The following OPCML variants were observed in gnomAD, a reference collection of about 807,000 sequenced individuals.
OPCML encodes the protein opioid binding protein/cell adhesion molecule like, also known as opioid-binding protein/cell adhesion molecule.
OPCML carries 13 observed loss-of-function variants against 37.8 expected under a neutral mutation model. The observed-to-expected ratio is 0.34, with a 90% confidence interval of 0.22 to 0.55. The LOEUF is 0.55. Among genes scored for constraint, OPCML ranks in the 20% least tolerant of loss-of-function variants. The probability of loss-of-function intolerance (pLI) is 0.91; values close to 1 mark genes in which losing one functional copy is unlikely to be tolerated. For missense variants in OPCML, 341 were observed against 435.6 expected (o/e 0.78, Z 1.93); for synonymous variants, 176 against 168.8 (o/e 1.04, Z -0.33).
rs1433047292 is a variant in OPCML, at chr11:132,537,457, C to T, written c.380-8271G>A. On this transcript the variant is annotated intron_variant, in intron 3 of 7. Transcript: ENST00000524381. ...ACTCAAAACATTAATAGATCAAAGA[C>T]CTAAATGTAAGGGCTAAAACTTAGA... is the stretch of plus-strand genomic sequence containing the variant. Among the ~76,000 whole-genome samples the T allele has an allele frequency of 3.9e-5, 6 of 152,090 alleles. No individual in the cohort carries two copies. In the East Asian group the frequency reaches 5.8e-4, roughly 15 times the overall value.
At chr11:132,708,988 C>T (rs1169967242) in intron 2 of OPCML, among the ~76,000 whole-genome samples, 4 of 152,096 alleles carry the variant, frequency 2.6e-5, no homozygotes, top group East Asian at 1.9e-4. Flanking sequence ...TCATGGGTCA[C>T]GGAGTTTCAC....
At chr11:132,754,097 G>T (rs532163974) in intron 2 of OPCML, among the ~76,000 whole-genome samples, 2 of 152,204 alleles carry the variant, frequency 1.3e-5, no homozygotes, top group Non-Finnish European at 2.9e-5. Context: ...AGCCAGCAGG[G>T]TGCAGCTGCA....
intron 2 of OPCML, among the ~76,000 whole-genome samples, chr11:132,856,471 T>C (rs1334545999): frequency 1.3e-5 from 2 of 152,142 alleles, no homozygotes; most frequent in Non-Finnish European, 2.9e-5. Context: ...CATGCAGTTG[T>C]TAAACTGTCT....
chr11:132,423,162 C>A (rs1019740674), intron 7 of OPCML, among the ~76,000 whole-genome samples: 3 of 152,218 alleles, frequency 2.0e-5, no homozygotes, highest in Non-Finnish European at 2.9e-5. Flanking sequence ...CCTGAGACAG[C>A]AAGAGGGCAC....
intron 2 of OPCML, among the ~76,000 whole-genome samples, chr11:132,796,821 G>T (rs1232756224): frequency 6.6e-6 from 1 of 151,976 alleles, no homozygotes; most frequent in Non-Finnish European, 1.5e-5. Context: ...CTCGTGATCT[G>T]CCGTGATAGT....
intron 1 of OPCML, among the ~76,000 whole-genome samples, chr11:133,126,070 T>TACAC (rs3049587): frequency 6.7e-6 from 1 of 148,350 alleles, no homozygotes; most frequent in African/African-American, 2.5e-5. Context: ...ATATGTACCA[T>TACAC]ACACACACAC....
chr11:133,007,457 G>A, intron 1 of OPCML: 1 of 985,390 alleles, frequency 1.0e-6, no homozygotes, highest in Non-Finnish European at 1.2e-6. Flanking sequence ...TGCACACAAA[G>A]CCCTGCTGAT....
chr11:132,949,087 C>T (rs1945805073), intron 1 of OPCML, among the ~76,000 whole-genome samples: 1 of 152,074 alleles, frequency 6.6e-6, no homozygotes, highest in African/African-American at 2.4e-5. Flanking sequence ...TGTAAAGAAC[C>T]CTAGGGATTT....
chr11:133,093,467 C>T (rs548280322), intron 1 of OPCML, among the ~76,000 whole-genome samples: 8 of 152,170 alleles, frequency 5.3e-5, no homozygotes, highest in East Asian at 1.9e-4. Flanking sequence ...CCTTGCTCCC[C>T]GTAACTATAA....
intron 3 of OPCML, among the ~76,000 whole-genome samples, chr11:132,601,772 TA>T (rs764273958): frequency 3.0e-4 from 45 of 152,304 alleles, no homozygotes; most frequent in Non-Finnish European, 4.6e-4. Flanking sequence ...TTTTCTATTT[TA>T]AAAGTTTCTT....
chr11:132,661,615 G>A (rs1360068392), intron 2 of OPCML, among the ~76,000 whole-genome samples: 2 of 152,144 alleles, frequency 1.3e-5, no homozygotes, highest in African/African-American at 4.8e-5. Context: ...GAGCCAAGAG[G>A]CAAGTTGAGG....
chr11:133,121,467 G>A (rs1284296163), intron 1 of OPCML, among the ~76,000 whole-genome samples: 1 of 152,160 alleles, frequency 6.6e-6, no homozygotes, highest in South Asian at 2.1e-4. Context: ...AGTCCCAGCT[G>A]GGAAAACTGG....
intron 4 of OPCML, among the ~76,000 whole-genome samples, chr11:132,445,291 T>C (rs1272956617): frequency 1.3e-5 from 2 of 152,140 alleles, no homozygotes; most frequent in Non-Finnish European, 2.9e-5. Flanking sequence ...CTCCCTTCCA[T>C]GCATGTGTGA....
At chr11:132,873,865 T>C (rs1942909946) in intron 2 of OPCML, among the ~76,000 whole-genome samples, 1 of 152,088 alleles carries the variant, frequency 6.6e-6, no homozygotes, top group Non-Finnish European at 1.5e-5. Flanking sequence ...GGAATTAAAA[T>C]GTAGTCAAAT....
Position 133,201,305 on chromosome 11 carries a change from C to CTTTT in OPCML, c.62-258299_62-258296dup, listed in dbSNP as rs71477789. Among the ~76,000 whole-genome samples, 731 of 147,800 alleles carry CTTTT rather than the reference C, an allele frequency of 4.9e-3. 8 individuals are homozygous for CTTTT. Among genetic ancestry groups the CTTTT allele is most frequent in the African/African-American group, 0.015 (598 of 40,156 alleles). The stretch of plus-strand genomic sequence containing the variant: ...AAAGTTGGAAAGAAAACAATGCATG[C>CTTTT]TTTTTTTTTTTTTACCATTGAATTG... On this transcript the variant is annotated intron_variant, in intron 1 of 7. Coordinates refer to ENST00000524381, the MANE Select transcript of OPCML (RefSeq NM_001012393.5).
In OPCML at chr11:133,485,964, A is replaced by G. The variant is rs191434730; in HGVS notation, c.61+46300T>C. Among the ~76,000 whole-genome samples, 346 of 152,266 alleles carry G rather than the reference A, an allele frequency of 2.3e-3. 1 individual carries two copies. Among genetic ancestry groups the G allele is most frequent in the Middle Eastern group, 6.8e-3 (2 of 294 alleles). ...AAATGGCCCACAGGCATAGGGCTAAATTGCTGTATAGTATTCATAAGTGCA... is the reference window on the plus strand; with the variant it reads ...AAATGGCCCACAGGCATAGGGCTAAGTTGCTGTATAGTATTCATAAGTGCA... On this transcript the variant is annotated intron_variant, in intron 1 of 7. Coordinates refer to ENST00000524381, the MANE Select transcript of OPCML (RefSeq NM_001012393.5).
intron 3 of OPCML, among the ~76,000 whole-genome samples, chr11:132,612,506 C>T (rs952722433): frequency 6.6e-6 from 1 of 152,134 alleles, no homozygotes; most frequent in African/African-American, 2.4e-5. Flanking sequence ...CTGATTCAGT[C>T]ATACTCCATT....
chr11:133,527,845 T>G (rs1469518038), intron 1 of OPCML, among the ~76,000 whole-genome samples: 3 of 152,158 alleles, frequency 2.0e-5, no homozygotes, highest in Non-Finnish European at 4.4e-5. Context: ...ACTCTCAGCT[T>G]TCAGCATACT....
intron 1 of OPCML, among the ~76,000 whole-genome samples, chr11:133,294,983 C>T (rs1942593169): frequency 6.6e-6 from 1 of 151,794 alleles, no homozygotes; most frequent in African/African-American, 2.4e-5. Flanking sequence ...GCCACCATGC[C>T]CAGCTAATTA....
Sources: gnomAD v4.1 joint callset for allele counts (sites outside exome capture counted in the v4.1 genomes callset) on GRCh38, gnomAD v4.1.1 for gene constraint, MANE v1.5 for transcripts, NCBI Gene and HGNC (gene_info 2026-07-23, HGNC 2026-07-21) for gene names.